Variants in KMO observed in about 807,000 individuals in gnomAD.
KMO encodes the protein kynurenine 3-monooxygenase.
In KMO, 24 loss-of-function variants were observed where a neutral mutation model predicts 57.8. The ratio of observed to expected loss-of-function variants is 0.42; its 90% CI spans 0.30 to 0.58. The LOEUF is 0.58. Ranked by LOEUF, KMO falls within the 20% of genes least tolerant of loss-of-function variation. The probability of loss-of-function intolerance (pLI) is 0.22; values close to 1 mark genes in which losing one functional copy is unlikely to be tolerated. For synonymous variants in KMO, 210 were observed against 193.6 expected (o/e 1.08, Z -0.70); for missense variants, 483 against 588.2 (o/e 0.82, Z 1.85).
chr1:241,570,764 T>C (rs1662248603), intron 10 of KMO, among the ~76,000 whole-genome samples: 1 of 152,128 alleles, frequency 6.6e-6, no homozygotes, highest in Non-Finnish European at 1.5e-5. Context: ...TTGGCTATTC[T>C]GTGTCTTTGG....
In KMO at chr1:241,568,631, G is replaced by C; in HGVS notation, c.941G>C (p.Gly314Ala). Residue 314 changes from glycine (G) to alanine (A), a missense_variant, in exon 10 of 15, where the codon GGG becomes GCG. Coordinates refer to ENST00000366559, the MANE Select transcript of KMO (RefSeq NM_003679.5). ...GCTCATGCTATAGTGCCGTTTTTTG[G>C]GCAAGGAATGAATGCGGTAAGTTCT... ...DAAHAIVPFF[G>A]QGMNAGFEDC... is the part of the protein sequence containing the mutation. The C allele has an allele frequency of 6.2e-7, 1 of 1,613,408 alleles. No individual in the cohort carries two copies. The highest frequency in any genetic ancestry group is 8.5e-7 in the Non-Finnish European group (1 of 1,179,666).
chr1:241,562,030 T>G (rs1661861906), intron 6 of KMO, 137 bp from the exon 7 acceptor site: 5 of 679,936 alleles, frequency 7.4e-6, no homozygotes, highest in Admixed American at 2.9e-5. Context: ...ATCTATTAAC[T>G]CAAAGCTCCA....
At chr1:241,566,853 G>T (rs9970943) in intron 9 of KMO, among the ~76,000 whole-genome samples, 129,017 of 152,102 alleles carry the variant, frequency 0.85, 55,491 homozygotes, top group Non-Finnish European at 0.93. Flanking sequence ...GAGGCTTTTG[G>T]GCATCTTATG....
At chr1:241,554,150 T>G (rs1661512270) in intron 4 of KMO, among the ~76,000 whole-genome samples, 1 of 152,232 alleles carries the variant, frequency 6.6e-6, no homozygotes, top group African/African-American at 2.4e-5. Flanking sequence ...TTAGATTTTA[T>G]GGGTTCATTG....
At chr1:241,563,342 A>G (rs1231321631) in intron 7 of KMO, among the ~76,000 whole-genome samples, 1 of 152,220 alleles carries the variant, frequency 6.6e-6, no homozygotes, top group Admixed American at 6.5e-5. Flanking sequence ...TAAATACTTG[A>G]TTTGCATATA....
At position 241,550,984 on chromosome 1, in the gene KMO, A is replaced by G. The variant is rs2147950427; in HGVS notation, c.252A>G (p.Ala84=). The G allele has an allele frequency of 6.4e-7, 1 of 1,553,932 alleles. No homozygotes were observed. The change falls in exon 4 of 15, where the codon GCA becomes GCG. Residue 84 remains alanine, a synonymous_variant. Transcript: ENST00000366559. Reference sequence around the variant, plus strand: ...TATCCCAAGGTATTCCCATGAGAGCAAGAATGATCCACTCTCTTTCAGGAA... The same window carrying G: ...TATCCCAAGGTATTCCCATGAGAGCGAGAATGATCCACTCTCTTTCAGGAA... The part of the protein sequence containing the change: ...QIVSQGIPMR[A]RMIHSLSGKK...
intron 1 of KMO, among the ~76,000 whole-genome samples, chr1:241,548,405 A>T (rs1453537631): frequency 6.6e-6 from 1 of 152,182 alleles, no homozygotes; most frequent in Non-Finnish European, 1.5e-5. Flanking sequence ...ATGTGAGAGG[A>T]AGAGGACTGT....
intron 1 of KMO, among the ~76,000 whole-genome samples, chr1:241,541,333 A>G (rs1473654678): frequency 6.6e-6 from 1 of 152,234 alleles, no homozygotes; most frequent in African/African-American, 2.4e-5. Flanking sequence ...TGGGTGAATT[A>G]GTGAATGCAA....
At chr1:241,539,409 G>A (rs1244184385) in intron 1 of KMO, among the ~76,000 whole-genome samples, 4 of 135,232 alleles carry the variant, frequency 3.0e-5, no homozygotes, top group African/African-American at 1.3e-4. Context: ...AGCAGCAATA[G>A]CTACTTCACC....
chr1:241,547,394 C>A (rs1464939189), intron 1 of KMO, among the ~76,000 whole-genome samples: 1 of 151,676 alleles, frequency 6.6e-6, no homozygotes, highest in Non-Finnish European at 1.5e-5. Context: ...GACAAAGACT[C>A]TATATTCAGA....
chr1:241,575,573 T>C (rs967844141), intron 10 of KMO, among the ~76,000 whole-genome samples: 3 of 152,048 alleles, frequency 2.0e-5, no homozygotes, highest in African/African-American at 7.2e-5. Context: ...ATTTGTATAG[T>C]TTAGAGATTT....
chr1:241,566,582 A>G lies in KMO; in HGVS notation c.779A>G (p.Tyr260Cys). ...GATGTGGTAGATTTCTTCCAGAAAT[A>G]CTTTCCGGATGCCATCCCTCTAATT... is the stretch of plus-strand genomic sequence containing the variant. Reference protein sequence around the residue: ...SNDVVDFFQKYFPDAIPLIGE... With the variant: ...SNDVVDFFQKCFPDAIPLIGE... The change falls in exon 9 of 15, where the codon TAC (tyrosine) becomes TGC (cysteine). Residue 260 changes from tyrosine (Y) to cysteine (C), a missense_variant. By Grantham distance (194) the Tyr-to-Cys change is radical (BLOSUM62 -2). This residue lies in a region of KMO where 410 missense variants were observed against 492.3 expected (regional missense o/e 0.83). Transcript: ENST00000366559. 1 of 1,613,782 alleles carries G rather than the reference A, an allele frequency of 6.2e-7. No individual in the cohort carries two copies. The highest frequency in any genetic ancestry group is 2.2e-5 in the East Asian group (1 of 44,878).
rs1481506269 is a variant in KMO, at chr1:241,593,083, C to G, written c.*930C>G. 1.0e-5 allele frequency: 2 copies of G among 197,304 alleles called. No individual in the cohort carries two copies. Among genetic ancestry groups the G allele is most frequent in the African/African-American group, 4.6e-5 (2 of 43,630 alleles). 12.2% of individuals were successfully genotyped at this position (197,304 alleles called of 1,614,324 possible). A position where few individuals can be genotyped will look rare whatever the true frequency, so the allele number is the denominator to read the frequency against. ...AGCCACCGCTGCCAGCCCAGAGTTACCCTCTAAAGATAAGAAAAAGGCTAT... is the reference window on the plus strand; with the variant it reads ...AGCCACCGCTGCCAGCCCAGAGTTAGCCTCTAAAGATAAGAAAAAGGCTAT... On this transcript the variant is annotated 3_prime_UTR_variant, in exon 15 of 15. Transcript: ENST00000366559.
Position 241,587,310 on chromosome 1 carries a change from C to T in KMO, c.1015+574C>T, listed in dbSNP as rs151312345. ...GATCTGACAGGAGGCGGAGCTTGGG[C>T]GGTAATGCCATCTCAACTGCCACTC... On this transcript the variant is annotated intron_variant, in intron 11 of 14. Coordinates refer to ENST00000366559, the MANE Select transcript of KMO (RefSeq NM_003679.5). Among the ~76,000 whole-genome samples, 1,105 of 152,288 alleles carry T rather than the reference C, an allele frequency of 7.3e-3. 13 individuals are homozygous for T. Among genetic ancestry groups the T allele is most frequent in the African/African-American group, 0.025 (1,037 of 41,556 alleles).
intron 1 of KMO, among the ~76,000 whole-genome samples, chr1:241,535,700 G>A (rs936625870): frequency 6.6e-6 from 1 of 152,112 alleles, no homozygotes. Flanking sequence ...CAAGAACATT[G>A]ACCTAAATAT....
In KMO at chr1:241,592,262, G is replaced by A. The variant is rs988274346; in HGVS notation, c.*109G>A. On this transcript the variant is annotated 3_prime_UTR_variant, in exon 15 of 15. Transcript: ENST00000366559. The stretch of plus-strand genomic sequence containing the variant: ...ATTCACTAGTGGAAGATAGTGTTCT[G>A]CTTATAATTAAACTGAATGTAGAGT... 5.2e-6 allele frequency: 4 copies of A among 771,790 alleles called. No individual in the cohort carries two copies. The highest frequency in any genetic ancestry group is 1.7e-5 in the African/African-American group (1 of 57,522). 47.8% of individuals were successfully genotyped at this position (771,790 alleles called of 1,614,324 possible).
chr1:241,551,587 T>C (rs1023031120), intron 4 of KMO, among the ~76,000 whole-genome samples: 4 of 152,314 alleles, frequency 2.6e-5, no homozygotes, highest in African/African-American at 9.6e-5. Flanking sequence ...GCTTTCCCTA[T>C]CTTTCACACA....
intron 10 of KMO, 171 bp from the exon 11 acceptor site, chr1:241,586,508 C>G: frequency 1.6e-6 from 1 of 612,750 alleles, no homozygotes; most frequent in South Asian, 1.7e-5. Context: ...GCCCGATGGT[C>G]ATTTTTAACC....
rs529583235 is a variant in KMO at position 241,532,840 on chromosome 1, A to T, written c.54+342A>T. On this transcript the variant is annotated intron_variant, in intron 1 of 14. Coordinates refer to ENST00000366559, the MANE Select transcript of KMO (RefSeq NM_003679.5). ...AATTGGCTATGTTTTTAGGAACAGG[A>T]ATTAGTCTCAATATTCATTTTAATA... 7.9e-5 allele frequency among the ~76,000 whole-genome samples: 12 copies of T among 152,330 alleles called. No homozygotes were observed. In the East Asian group the frequency reaches 2.3e-3, roughly 29 times the overall value.
Sources: allele counts gnomAD v4.1 joint callset (sites outside exome capture counted in the v4.1 genomes callset), GRCh38; gene constraint gnomAD v4.1.1; regional missense constraint gnomAD v4.1.1; transcripts MANE v1.5; gene names NCBI Gene and HGNC (gene_info 2026-07-23, HGNC 2026-07-21).